Variants in CPNE8 observed in about 807,000 individuals in gnomAD.
The protein encoded by CPNE8 is copine-8.
Under a neutral mutation model 81.5 loss-of-function variants are expected in CPNE8, and 45 were observed. The ratio of observed to expected loss-of-function variants is 0.55; its 90% CI spans 0.44 to 0.71. CPNE8 has a LOEUF of 0.71. CPNE8 is among the 30% of genes least tolerant of loss of function. The pLI is 0.00. For missense variants in CPNE8, 594 were observed against 672.1 expected (o/e 0.88, Z 1.28); for synonymous variants, 252 against 226.3 (o/e 1.11, Z -1.02).
In CPNE8 at chr12:38,694,995, A is replaced by T. The variant is rs868565971; in HGVS notation, c.962-1157T>A. Reference sequence around the variant, plus strand: ...AATTAATTGAACTTTTTTTTATTTTATATTTCCAAGAGTTACCAGCGTTCA... The same window carrying T: ...AATTAATTGAACTTTTTTTTATTTTTTATTTCCAAGAGTTACCAGCGTTCA... On this transcript the variant is annotated intron_variant, in intron 14 of 19. Transcript: ENST00000331366. 6.6e-5 allele frequency among the ~76,000 whole-genome samples: 10 copies of T among 152,282 alleles called. 1 individual carries two copies. The highest frequency in any genetic ancestry group is 6.8e-3 in the Middle Eastern group (2 of 294).
chr12:38,866,989 G>A (rs1358887826), intron 3 of CPNE8, among the ~76,000 whole-genome samples: 1 of 152,052 alleles, frequency 6.6e-6, no homozygotes, highest in Non-Finnish European at 1.5e-5. Context: ...CTCCTGAGTA[G>A]CTAGAATTAC....
At chr12:38,750,042 G>A (rs551220329) in intron 10 of CPNE8, among the ~76,000 whole-genome samples, 1 of 152,214 alleles carries the variant, frequency 6.6e-6, no homozygotes, top group East Asian at 1.9e-4. Flanking sequence ...TCACTGTGAT[G>A]CTCTGTGCAG....
chr12:38,728,909 A>G (rs188157417), intron 11 of CPNE8, among the ~76,000 whole-genome samples: 2 of 152,302 alleles, frequency 1.3e-5, no homozygotes, highest in East Asian at 3.8e-4. Context: ...GAAAACATTT[A>G]TATTTGAAGT....
At chr12:38,745,455 A>G (rs1941206213) in intron 10 of CPNE8, among the ~76,000 whole-genome samples, 1 of 152,202 alleles carries the variant, frequency 6.6e-6, no homozygotes, top group Non-Finnish European at 1.5e-5. Flanking sequence ...CTGGATAGCA[A>G]TCATCTTTAA....
At chr12:38,690,842 A>G (rs1455257085) in intron 15 of CPNE8, among the ~76,000 whole-genome samples, 2 of 152,166 alleles carry the variant, frequency 1.3e-5, no homozygotes, top group East Asian at 1.9e-4. Flanking sequence ...TTAGAATCAC[A>G]TGAGTGATTT....
chr12:38,845,516 T>A (rs1196223118), intron 4 of CPNE8, among the ~76,000 whole-genome samples: 1 of 152,074 alleles, frequency 6.6e-6, no homozygotes, highest in Non-Finnish European at 1.5e-5. Context: ...TAATCTTTTT[T>A]ATTTTCCAAT....
intron 6 of CPNE8, among the ~76,000 whole-genome samples, chr12:38,792,890 C>T (rs1407187073): frequency 2.0e-5 from 3 of 151,758 alleles, no homozygotes; most frequent in Non-Finnish European, 4.4e-5. Flanking sequence ...ACACCATCAC[C>T]AGCTGGTATT....
intron 1 of CPNE8, among the ~76,000 whole-genome samples, chr12:38,898,353 C>A (rs989065868): frequency 7.9e-5 from 12 of 152,172 alleles, no homozygotes; most frequent in African/African-American, 2.9e-4. Context: ...AAGACTTCAA[C>A]GCCACAGTTC....
At chr12:38,657,081 C>T (rs1329293644) in intron 19 of CPNE8, among the ~76,000 whole-genome samples, 3 of 152,202 alleles carry the variant, frequency 2.0e-5, no homozygotes, top group Non-Finnish European at 4.4e-5. Context: ...GGTGTCACTT[C>T]ACCTGGGAAG....
chr12:38,721,424 C>G (rs1940561499), intron 13 of CPNE8, among the ~76,000 whole-genome samples: 1 of 152,034 alleles, frequency 6.6e-6, no homozygotes, highest in Admixed American at 6.5e-5. Context: ...CTCCAGGGTC[C>G]CCTCTCTGCT....
At chr12:38,886,779 T>G (rs1158602216) in intron 1 of CPNE8, among the ~76,000 whole-genome samples, 6 of 152,138 alleles carry the variant, frequency 3.9e-5, no homozygotes, top group Admixed American at 3.3e-4. Context: ...AGCCAGGGTC[T>G]GGTGGAAGGA....
intron 7 of CPNE8, among the ~76,000 whole-genome samples, chr12:38,770,717 A>G (rs1199327680): frequency 6.6e-6 from 1 of 152,058 alleles, no homozygotes; most frequent in Non-Finnish European, 1.5e-5. Flanking sequence ...CTCACATCGG[A>G]CCCACACATG....
chr12:38,836,030 T>A (rs1472496947), intron 5 of CPNE8, among the ~76,000 whole-genome samples: 1 of 152,164 alleles, frequency 6.6e-6, no homozygotes. Flanking sequence ...TATGGGCCTG[T>A]CATTAATCCT....
rs778500037 is a variant in CPNE8, at chr12:38,693,766, T to C, written c.1034A>G (p.Lys345Arg). 2 of 1,613,576 alleles carry C rather than the reference T, an allele frequency of 1.2e-6. No individual in the cohort carries two copies. The highest frequency in any genetic ancestry group is 3.3e-5 in the Admixed American group (2 of 59,970). Residue 345 changes from lysine to arginine, a missense_variant, in exon 15 of 20, where the codon AAA becomes AGA. By Grantham distance (26) the Lys-to-Arg change is conservative (BLOSUM62 2). Transcript: ENST00000331366. Reference sequence around the variant, plus strand: ...ATCTTGAACAATTTCTCCCACTGCTTTTAGTGCCATACCATAGGCATTCAG... The same window carrying C: ...ATCTTGAACAATTTCTCCCACTGCTCTTAGTGCCATACCATAGGCATTCAG... ...YQLNAYGMAL[K>R]AVGEIVQDYD...
chr12:38,692,283 T>C (rs1939695269), intron 15 of CPNE8, among the ~76,000 whole-genome samples: 1 of 151,842 alleles, frequency 6.6e-6, no homozygotes, highest in Non-Finnish European at 1.5e-5. Flanking sequence ...AGCAAGGCTC[T>C]GTCTCAAAAA....
chr12:38,799,338 C>A (rs1942594430), intron 6 of CPNE8, among the ~76,000 whole-genome samples: 1 of 152,094 alleles, frequency 6.6e-6, no homozygotes, highest in Non-Finnish European at 1.5e-5. Flanking sequence ...GAAATTACAA[C>A]AAACTGTCTC....
intron 1 of CPNE8, among the ~76,000 whole-genome samples, chr12:38,899,779 T>C (rs1319574423): frequency 6.6e-6 from 1 of 152,108 alleles, no homozygotes; most frequent in Non-Finnish European, 1.5e-5. Context: ...ATTTCTTAAA[T>C]ACAGATGACA....
chr12:38,690,341 C>T (rs1310566905), intron 15 of CPNE8, among the ~76,000 whole-genome samples: 1 of 152,114 alleles, frequency 6.6e-6, no homozygotes, highest in African/African-American at 2.4e-5. Flanking sequence ...AAATCAAATA[C>T]TATCTCACTA....
intron 10 of CPNE8, among the ~76,000 whole-genome samples, chr12:38,735,275 C>T (rs1277695343): frequency 6.6e-6 from 1 of 151,940 alleles, no homozygotes; most frequent in Non-Finnish European, 1.5e-5. Context: ...ACCCCTTGGA[C>T]TGAAATGTAG....
Sources: gnomAD v4.1 joint callset for allele counts (sites outside exome capture counted in the v4.1 genomes callset) on GRCh38, gnomAD v4.1.1 for gene constraint, MANE v1.5 for transcripts, NCBI Gene and HGNC (gene_info 2026-07-23, HGNC 2026-07-21) for gene names.